Variants in TECRL observed in about 807,000 individuals in gnomAD.
The protein encoded by TECRL is trans-2,3-enoyl-CoA reductase like.
In TECRL, 63 loss-of-function variants were observed where a neutral mutation model predicts 52.8. The ratio of observed to expected loss-of-function variants is 1.19; its 90% confidence interval spans 0.97 to 1.47. The LOEUF is 1.47. Among genes scored for constraint, TECRL ranks in the 40% most tolerant of loss-of-function variants. The pLI, the probability that TECRL is intolerant of heterozygous loss-of-function variation, is 0.00. For missense variants in TECRL, 482 were observed against 429.6 expected (o/e 1.12, Z -1.08); for synonymous variants, 164 against 141.9 (o/e 1.16, Z -1.10).
At chr4:64,287,978 C>T (rs1172364116) in intron 9 of TECRL, among the ~76,000 whole-genome samples, 1 of 151,918 alleles carries the variant, frequency 6.6e-6, no homozygotes, top group Non-Finnish European at 1.5e-5. Context: ...GAAACCCTGT[C>T]TCTACTAAAA....
chr4:64,344,624 A>C (rs1719820896), intron 2 of TECRL, among the ~76,000 whole-genome samples: 1 of 152,204 alleles, frequency 6.6e-6, no homozygotes, highest in South Asian at 2.1e-4. Flanking sequence ...GTGTAATTTA[A>C]AATTAAGGTG....
chr4:64,387,320 A>C (rs957633467), intron 1 of TECRL, among the ~76,000 whole-genome samples: 2 of 152,296 alleles, frequency 1.3e-5, no homozygotes, highest in East Asian at 3.9e-4. Context: ...ACTGAAAGAC[A>C]TCTTGGTTGT....
chr4:64,344,947 C>G (rs1024525735), intron 2 of TECRL, among the ~76,000 whole-genome samples: 2 of 152,024 alleles, frequency 1.3e-5, no homozygotes, highest in Non-Finnish European at 2.9e-5. Flanking sequence ...TTAACATTGT[C>G]CATAAAGAAG....
At chr4:64,322,895 A>G (rs1718006165) in intron 3 of TECRL, 103 bp from the exon 4 acceptor site, 1 of 810,142 alleles carries the variant, frequency 1.2e-6, no homozygotes, top group Admixed American at 3.1e-5. Context: ...GATTAATTTA[A>G]TATGGAAATT....
chr4:64,311,029 C>A (rs772284695), intron 5 of TECRL, among the ~76,000 whole-genome samples: 1 of 152,152 alleles, frequency 6.6e-6, no homozygotes, highest in African/African-American at 2.4e-5. Flanking sequence ...TGATGACATA[C>A]TTTAACCAGT....
chr4:64,366,493 A>C (rs1283044636), intron 2 of TECRL, among the ~76,000 whole-genome samples: 2 of 152,190 alleles, frequency 1.3e-5, no homozygotes, highest in Non-Finnish European at 2.9e-5. Flanking sequence ...AGAATGGGAG[A>C]AAATATTTGC....
At chr4:64,289,882 A>G (rs1723284993) in intron 8 of TECRL, 115 bp from the exon 9 acceptor site, 1 of 594,462 alleles carries the variant, frequency 1.7e-6, no homozygotes, top group Non-Finnish European at 2.6e-6. Context: ...GATTCAAAAG[A>G]TATATATTTT....
chr4:64,322,637 T>G, intron 4 of TECRL, 52 bp downstream of exon 4: 1 of 1,294,918 alleles, frequency 7.7e-7, no homozygotes, highest in Non-Finnish European at 1.1e-6. Flanking sequence ...GTCAATAAAT[T>G]ATTTAGAGCA....
intron 8 of TECRL, among the ~76,000 whole-genome samples, chr4:64,298,465 T>A (rs1723813758): frequency 6.6e-6 from 1 of 151,266 alleles, no homozygotes; most frequent in Non-Finnish European, 1.5e-5. Flanking sequence ...TGCTTATGTC[T>A]AATTATGCCT....
chr4:64,364,847 T>G (rs1721481276), intron 2 of TECRL, among the ~76,000 whole-genome samples: 1 of 115,216 alleles, frequency 8.7e-6, no homozygotes. Context: ...CTGGCACCAG[T>G]GCTACTAAAA....
At chr4:64,302,787 G>T (rs1724097515) in intron 7 of TECRL, among the ~76,000 whole-genome samples, 1 of 151,290 alleles carries the variant, frequency 6.6e-6, no homozygotes, top group Admixed American at 6.6e-5. Context: ...TTTAATTGAA[G>T]TGTTTCATTT....
At chr4:64,399,226 A>C (rs1021869651) in intron 1 of TECRL, among the ~76,000 whole-genome samples, 11 of 152,126 alleles carry the variant, frequency 7.2e-5, no homozygotes, top group Non-Finnish European at 2.9e-5. Context: ...TTGTGGAATA[A>C]ATTTCTAAGC....
At chr4:64,310,037 A>C (rs1391600889) in intron 5 of TECRL, 106 bp from the exon 6 acceptor site, 1 of 599,916 alleles carries the variant, frequency 1.7e-6, no homozygotes, top group East Asian at 3.2e-5. Context: ...AGCTATTGGG[A>C]AACATTGTTT....
chr4:64,346,738 T>A (rs905543094), intron 2 of TECRL, among the ~76,000 whole-genome samples: 7 of 152,158 alleles, frequency 4.6e-5, no homozygotes, highest in African/African-American at 1.7e-4. Context: ...CCTGGAGAAT[T>A]GTCCCCATTG....
intron 1 of TECRL, among the ~76,000 whole-genome samples, chr4:64,394,945 C>T (rs1377433791): frequency 7.6e-6 from 1 of 132,148 alleles, no homozygotes; most frequent in Non-Finnish European, 1.5e-5. Context: ...CAGAGTCTCA[C>T]TCTGTTACCC....
intron 2 of TECRL, among the ~76,000 whole-genome samples, chr4:64,336,592 G>A (rs570684912): frequency 6.6e-6 from 1 of 152,264 alleles, no homozygotes; most frequent in East Asian, 1.9e-4. Context: ...TCTTTCAATT[G>A]TGATGTTAGG....
intron 1 of TECRL, among the ~76,000 whole-genome samples, chr4:64,389,220 T>C (rs1409506027): frequency 6.6e-6 from 1 of 151,980 alleles, no homozygotes; most frequent in East Asian, 1.9e-4. Context: ...GTTTTGAGTT[T>C]TTCACCATTA....
chr4:64,332,375 C>T (rs538124202), intron 2 of TECRL, among the ~76,000 whole-genome samples: 3 of 152,192 alleles, frequency 2.0e-5, no homozygotes, highest in African/African-American at 7.2e-5. Context: ...TGATCTGTAA[C>T]CTCCAAAGTC....
At chr4:64,284,483 A>T (rs2109932365) in intron 9 of TECRL, among the ~76,000 whole-genome samples, 1 of 18,582 alleles carries the variant, frequency 5.4e-5, no homozygotes, top group East Asian at 2.3e-3. Context: ...AGTGAAAGGA[A>T]CACCATCATC....
Sources: allele counts gnomAD v4.1 joint callset (sites outside exome capture counted in the v4.1 genomes callset), GRCh38; gene constraint gnomAD v4.1.1; transcripts MANE v1.5; gene names NCBI Gene and HGNC (gene_info 2026-07-23, HGNC 2026-07-21).